The following MIPOL1 variants were observed in gnomAD, a reference collection of about 807,000 sequenced individuals.
MIPOL1 encodes the protein mirror-image polydactyly 1, also known as mirror-image polydactyly gene 1 protein.
MIPOL1 carries 57 observed loss-of-function variants against 60.9 expected under a neutral mutation model. That is an observed-to-expected ratio of 0.94 (90% confidence interval 0.76 to 1.17). The LOEUF (loss-of-function observed/expected upper bound fraction) is 1.17, where lower values mean the gene tolerates loss of function less well. Among genes scored for constraint, MIPOL1 ranks in the 50% most tolerant of loss-of-function variants. The pLI is 0.00. For missense variants in MIPOL1, 551 were observed against 511.6 expected (o/e 1.08, Z -0.74); for synonymous variants, 179 against 168.8 (o/e 1.06, Z -0.47).
At position 37,341,517 on chromosome 14, in the gene MIPOL1, T is replaced by A. The variant is rs911909087; in HGVS notation, c.829-28000T>A. On this transcript the variant is annotated intron_variant, in intron 9 of 12. Coordinates refer to ENST00000684589, the MANE Select transcript of MIPOL1 (RefSeq NM_001388067.1). ...ATTCTGTATATCAGCTAGTTCCTTT[T>A]TTATCTTTGTTAAGTATTTCCTTGT... Among the ~76,000 whole-genome samples the A allele has an allele frequency of 2.0e-5, 3 of 152,244 alleles. No homozygotes were observed. The South Asian group carries it at 6.2e-4, about 31-fold the overall frequency.
chr14:37,513,900 C>A (rs1473293878), intron 12 of MIPOL1, among the ~76,000 whole-genome samples: 2 of 152,082 alleles, frequency 1.3e-5, no homozygotes, highest in Non-Finnish European at 2.9e-5. Flanking sequence ...GAACAAAAGA[C>A]TAAATATGAG....
chr14:37,410,535 A>T, intron 10 of MIPOL1, among the ~76,000 whole-genome samples: 1 of 152,168 alleles, frequency 6.6e-6, no homozygotes, highest in Admixed American at 6.5e-5. Flanking sequence ...ACACAGGTAC[A>T]TGGTTCTATA....
At chr14:37,526,040 C>A (rs1246079020) in intron 12 of MIPOL1, among the ~76,000 whole-genome samples, 1 of 152,030 alleles carries the variant, frequency 6.6e-6, no homozygotes, top group Non-Finnish European at 1.5e-5. Context: ...CATAGTATTT[C>A]TAAGAGAGTA....
intron 11 of MIPOL1, among the ~76,000 whole-genome samples, chr14:37,446,400 C>T (rs1172654401): frequency 1.3e-5 from 2 of 151,794 alleles, no homozygotes; most frequent in Admixed American, 6.6e-5. Flanking sequence ...GTTAGAATGG[C>T]GATCATTAAA....
chr14:37,400,965 A>G (rs1055562247), intron 10 of MIPOL1: 2 of 152,158 alleles, frequency 1.3e-5, no homozygotes, highest in Admixed American at 6.6e-5. Context: ...AGTCTTTTTT[A>G]TTTAAAGGAG....
intron 11 of MIPOL1, among the ~76,000 whole-genome samples, chr14:37,424,181 G>T (rs2093922692): frequency 6.6e-6 from 1 of 152,276 alleles, no homozygotes; most frequent in Middle Eastern, 3.4e-3. Flanking sequence ...ATTGTTACAG[G>T]TTGAATTATG....
At chr14:37,333,048 A>C (rs929498520) in intron 9 of MIPOL1, among the ~76,000 whole-genome samples, 11 of 152,184 alleles carry the variant, frequency 7.2e-5, no homozygotes, top group African/African-American at 1.9e-4. Flanking sequence ...GCTACAGATA[A>C]TTTTATGCAG....
At chr14:37,502,734 C>T (rs2095232499) in intron 12 of MIPOL1, 2 of 152,160 alleles carry the variant, frequency 1.3e-5, no homozygotes, top group South Asian at 4.1e-4. Flanking sequence ...CTCACAGCTC[C>T]TCACCAGCAA....
chr14:37,363,356 T>C (rs75590898), intron 9 of MIPOL1, among the ~76,000 whole-genome samples: 1 of 152,210 alleles, frequency 6.6e-6, no homozygotes, highest in Non-Finnish European at 1.5e-5. Context: ...GTTTTTCTTC[T>C]AACAGTCAGG....
intron 11 of MIPOL1, among the ~76,000 whole-genome samples, chr14:37,474,608 T>G (rs888509295): frequency 6.6e-6 from 1 of 152,178 alleles, no homozygotes; most frequent in Admixed American, 6.5e-5. Flanking sequence ...AAACCTCTTG[T>G]TCTTTATAAA....
At chr14:37,499,458 G>A (rs1051819066) in intron 11 of MIPOL1, among the ~76,000 whole-genome samples, 1 of 152,090 alleles carries the variant, frequency 6.6e-6, no homozygotes, top group African/African-American at 2.4e-5. Context: ...TATGTAGAAG[G>A]CTGGTCAGTG....
intron 7 of MIPOL1, among the ~76,000 whole-genome samples, chr14:37,299,774 T>G (rs2086203568): frequency 6.6e-6 from 1 of 152,122 alleles, no homozygotes; most frequent in African/African-American, 2.4e-5. Flanking sequence ...TTAACTAAAC[T>G]GTATACTTTC....
intron 9 of MIPOL1, among the ~76,000 whole-genome samples, chr14:37,350,747 T>C (rs2091293787): frequency 6.6e-6 from 1 of 152,172 alleles, no homozygotes; most frequent in South Asian, 2.1e-4. Flanking sequence ...TCCCGGCTTC[T>C]GGTAGCCATC....
At chr14:37,244,544 G>GT (rs111867620) in intron 1 of MIPOL1, among the ~76,000 whole-genome samples, 9,290 of 145,648 alleles carry the variant, frequency 0.064, 388 homozygotes, top group East Asian at 0.24. Flanking sequence ...TTATAGTAGA[G>GT]TTTTTTTTTT....
intron 11 of MIPOL1, among the ~76,000 whole-genome samples, chr14:37,442,088 TTGTGTGTGTGTGTGTG>T (rs3985271): frequency 8.5e-4 from 122 of 143,814 alleles, no homozygotes; most frequent in Middle Eastern, 3.5e-3. Context: ...TTCTACTTTG[TTGTGTGTGTGTGTGTG>T]TGTGTGTGTG....
At chr14:37,490,476 A>C (rs1325226229) in intron 11 of MIPOL1, among the ~76,000 whole-genome samples, 1 of 152,030 alleles carries the variant, frequency 6.6e-6, no homozygotes, top group East Asian at 1.9e-4. Flanking sequence ...TCTTGCTGAC[A>C]TTCCAGGTGC....
In MIPOL1 at chr14:37,548,276, A is replaced by T. The variant is rs987004910; in HGVS notation, c.*1305A>T. The stretch of plus-strand genomic sequence containing the variant: ...TTATTGTACCATTCTTTCATATACC[A>T]TAGCAGATTATCCATTTCAATTTTT... On this transcript the variant is annotated 3_prime_UTR_variant, in exon 13 of 13. Transcript: ENST00000684589. 1.3e-5 allele frequency: 2 copies of T among 152,070 alleles called. No homozygotes were observed. Among genetic ancestry groups the T allele is most frequent in the Non-Finnish European group, 2.9e-5 (2 of 67,900 alleles). 9.4% of individuals were successfully genotyped at this position (152,070 alleles called of 1,614,324 possible).
At chr14:37,386,673 T>C (rs1219098360) in intron 10 of MIPOL1, among the ~76,000 whole-genome samples, 1 of 151,996 alleles carries the variant, frequency 6.6e-6, no homozygotes, top group Admixed American at 6.6e-5. Context: ...ATTTGGATAA[T>C]TGTTAATTGT....
intron 9 of MIPOL1, among the ~76,000 whole-genome samples, chr14:37,342,148 G>C (rs1286807107): frequency 6.6e-6 from 1 of 151,968 alleles, no homozygotes; most frequent in Non-Finnish European, 1.5e-5. Context: ...AATCATCTGA[G>C]GTCAGAAGTT....
Sources: allele counts gnomAD v4.1 joint callset (sites outside exome capture counted in the v4.1 genomes callset), GRCh38; gene constraint gnomAD v4.1.1; transcripts MANE v1.5; gene names NCBI Gene and HGNC (gene_info 2026-07-23, HGNC 2026-07-21).